ARHGAP10: variants seen among roughly 807,000 people sequenced by gnomAD.
ARHGAP10 encodes the protein rho GTPase-activating protein 10.
Under a neutral mutation model 108.6 loss-of-function variants are expected in ARHGAP10, and 87 were observed. That is an observed-to-expected ratio of 0.80 (90% CI 0.67 to 0.96). The LOEUF is 0.96. Ranked by LOEUF, ARHGAP10 falls within the 40% of genes least tolerant of loss-of-function variation. The pLI is 0.00. For synonymous variants in ARHGAP10, 347 were observed against 341.1 expected (o/e 1.02, Z -0.19); for missense variants, 939 against 954.5 (o/e 0.98, Z 0.21).
chr4:147,815,488 G>A (rs1385045199), intron 1 of ARHGAP10, among the ~76,000 whole-genome samples: 2 of 152,036 alleles, frequency 1.3e-5, no homozygotes, highest in Non-Finnish European at 2.9e-5. Flanking sequence ...GCGGGGGGAG[G>A]AGGTTATCTT....
intron 1 of ARHGAP10, among the ~76,000 whole-genome samples, chr4:147,820,093 G>C (rs936495423): frequency 3.3e-5 from 5 of 152,102 alleles, no homozygotes; most frequent in African/African-American, 1.2e-4. Flanking sequence ...AGGCTGAGGT[G>C]GGGAGGATTC....
At chr4:147,997,283 A>G (rs1264424322) in intron 18 of ARHGAP10, among the ~76,000 whole-genome samples, 2 of 152,234 alleles carry the variant, frequency 1.3e-5, no homozygotes, top group Non-Finnish European at 2.9e-5. Flanking sequence ...TCAATAATCT[A>G]TTTTGGAAGA....
chr4:147,752,596 T>C (rs1346009404), intron 1 of ARHGAP10, among the ~76,000 whole-genome samples: 1 of 152,032 alleles, frequency 6.6e-6, no homozygotes, highest in Non-Finnish European at 1.5e-5. Flanking sequence ...GGCGTGATCT[T>C]GGCTCACTGC....
At chr4:147,821,921 G>A (rs1312736643) in intron 1 of ARHGAP10, among the ~76,000 whole-genome samples, 1 of 152,218 alleles carries the variant, frequency 6.6e-6, no homozygotes, top group East Asian at 1.9e-4. Flanking sequence ...ATTGTTTGTA[G>A]CTGTGCCAAC....
At chr4:147,923,267 T>C (rs1366231079) in intron 13 of ARHGAP10, among the ~76,000 whole-genome samples, 1 of 152,194 alleles carries the variant, frequency 6.6e-6, no homozygotes, top group African/African-American at 2.4e-5. Context: ...GTTTCAGAGA[T>C]TGGAGTGTAA....
intron 19 of ARHGAP10, among the ~76,000 whole-genome samples, chr4:148,044,282 A>G (rs915980507): frequency 1.3e-5 from 2 of 152,102 alleles, no homozygotes. Context: ...CAAAAGTAAC[A>G]TTAAACCCCT....
intron 5 of ARHGAP10, chr4:147,861,159 G>A (rs928509495): frequency 2.0e-5 from 3 of 152,320 alleles, no homozygotes; most frequent in South Asian, 2.1e-4. Context: ...CGAGGAGTTC[G>A]TGAGTGAGTT....
intron 18 of ARHGAP10, among the ~76,000 whole-genome samples, chr4:147,990,196 C>T (rs1447137293): frequency 6.6e-6 from 1 of 152,168 alleles, no homozygotes; most frequent in East Asian, 1.9e-4. Flanking sequence ...ACGAATGTCT[C>T]CCAAATTCAA....
intron 16 of ARHGAP10, among the ~76,000 whole-genome samples, chr4:147,963,007 C>G (rs545217137): frequency 6.6e-6 from 1 of 152,280 alleles, no homozygotes; most frequent in African/African-American, 2.4e-5. Flanking sequence ...TAACTTTTTC[C>G]TCCTAATTAG....
intron 3 of ARHGAP10, among the ~76,000 whole-genome samples, chr4:147,828,384 A>G (rs956356606): frequency 1.3e-5 from 2 of 152,218 alleles, no homozygotes; most frequent in African/African-American, 4.8e-5. Context: ...ATATAAGTTC[A>G]TACGCCTCAT....
At chr4:147,834,701 C>G (rs2126801770) in intron 3 of ARHGAP10, among the ~76,000 whole-genome samples, 1 of 151,182 alleles carries the variant, frequency 6.6e-6, no homozygotes, top group African/African-American at 2.4e-5. Context: ...CACACCCACA[C>G]CCATACACAT....
chr4:147,758,610 G>A (rs912483850), intron 1 of ARHGAP10, among the ~76,000 whole-genome samples: 2 of 151,992 alleles, frequency 1.3e-5, no homozygotes, highest in African/African-American at 4.8e-5. Context: ...TCCATTCTTT[G>A]TCCCCTGTGC....
chr4:147,753,489 G>C (rs1429647206), intron 1 of ARHGAP10, among the ~76,000 whole-genome samples: 1 of 150,706 alleles, frequency 6.6e-6, no homozygotes, highest in Non-Finnish European at 1.5e-5. Flanking sequence ...GGCTATAGGT[G>C]TGCACCACCG....
At chr4:147,955,810 C>T (rs1578730432) in intron 16 of ARHGAP10, among the ~76,000 whole-genome samples, 1 of 152,060 alleles carries the variant, frequency 6.6e-6, no homozygotes, top group South Asian at 2.1e-4. Flanking sequence ...GACAGATACT[C>T]GGATCTAAAT....
rs531388173 is a variant in ARHGAP10 at position 147,760,336 on chromosome 4, A to G, written c.154+27881A>G. Among the ~76,000 whole-genome samples the G allele has an allele frequency of 3.9e-5, 6 of 152,378 alleles. No homozygotes were observed. In the East Asian group the frequency reaches 1.2e-3, roughly 29 times the overall value. On this transcript the variant is annotated intron_variant, in intron 1 of 22. Transcript: ENST00000336498. Reference sequence around the variant, plus strand: ...ATCCAGTTAGTATAGAAATGTTTACAGATGACTATGTCAATATCTAGAGAG... The same window carrying G: ...ATCCAGTTAGTATAGAAATGTTTACGGATGACTATGTCAATATCTAGAGAG...
intron 1 of ARHGAP10, among the ~76,000 whole-genome samples, chr4:147,769,065 AC>A (rs1729962552): frequency 6.6e-6 from 1 of 152,168 alleles, no homozygotes; most frequent in Non-Finnish European, 1.5e-5. Flanking sequence ...AATTAAAAAA[AC>A]ATAAAAAAGG....
In ARHGAP10 at chr4:147,732,126, TC is replaced by T. The variant is rs1370614191; in HGVS notation, c.-174del. ...TAGCGCTGGTCTCGGTGGCAGCTCCTCCGCGCCGCAGGACTCGGCTCTACGG... is the reference window on the plus strand; with the variant it reads ...TAGCGCTGGTCTCGGTGGCAGCTCCTCGCGCCGCAGGACTCGGCTCTACGG... On this transcript the variant is annotated 5_prime_UTR_variant, in exon 1 of 23. Coordinates refer to ENST00000336498, the MANE Select transcript of ARHGAP10 (RefSeq NM_024605.4). 2 of 446,072 alleles carry T rather than the reference TC, an allele frequency of 4.5e-6. No homozygotes were observed. Among genetic ancestry groups the T allele is most frequent in the African/African-American group, 4.3e-5 (2 of 46,508 alleles). 27.6% of individuals were successfully genotyped at this position (446,072 alleles called of 1,614,324 possible). A position where few individuals can be genotyped will look rare whatever the true frequency, so the allele number is the denominator to read the frequency against.
At chr4:147,755,438 G>A (rs1191593442) in intron 1 of ARHGAP10, among the ~76,000 whole-genome samples, 1 of 151,972 alleles carries the variant, frequency 6.6e-6, no homozygotes, top group East Asian at 1.9e-4. Context: ...CAGGAGAATC[G>A]CTTGAACTCA....
At chr4:148,031,436 G>A (rs1728144963) in intron 19 of ARHGAP10, among the ~76,000 whole-genome samples, 1 of 152,100 alleles carries the variant, frequency 6.6e-6, no homozygotes, top group African/African-American at 2.4e-5. Flanking sequence ...GGAAACTGAG[G>A]CATAGAGAAG....
Sources: gnomAD v4.1 joint callset for allele counts (sites outside exome capture counted in the v4.1 genomes callset) on GRCh38, gnomAD v4.1.1 for gene constraint, MANE v1.5 for transcripts, NCBI Gene and HGNC (gene_info 2026-07-23, HGNC 2026-07-21) for gene names.